Variants in CTNNA2 observed in about 807,000 individuals in gnomAD.
CTNNA2 encodes the protein catenin alpha 2, also known as catenin alpha-2.
A neutral mutation model predicts 101.0 loss-of-function variants in CTNNA2; 42 were observed. The observed-to-expected ratio is 0.42, with a 90% confidence interval of 0.32 to 0.54. The LOEUF (loss-of-function observed/expected upper bound fraction) is 0.54, where lower values mean the gene tolerates loss of function less well. Ranked by LOEUF, CTNNA2 falls within the 20% of genes least tolerant of loss-of-function variation. The probability of loss-of-function intolerance (pLI) is 0.14; values close to 1 mark genes in which losing one functional copy is unlikely to be tolerated. For missense variants in CTNNA2, 871 were observed against 1,223.1 expected (o/e 0.71, Z 4.29); for synonymous variants, 450 against 456.4 (o/e 0.99, Z 0.18).
At chr2:80,424,021 T>A (rs1366739032) in intron 9 of CTNNA2, among the ~76,000 whole-genome samples, 1 of 151,978 alleles carries the variant, frequency 6.6e-6, no homozygotes, top group Non-Finnish European at 1.5e-5. Context: ...AGTGGCGCAA[T>A]CTCTGCTCAC....
chr2:79,829,695 TATTTA>T (rs1351521014), intron 3 of CTNNA2, among the ~76,000 whole-genome samples: 7 of 6,182 alleles, frequency 1.1e-3, no homozygotes, highest in Non-Finnish European at 4.8e-3. Context: ...TTTTCTTTCT[TATTTA>T]TTTATTTATT....
chr2:79,615,062 T>C (rs981644932), intron 1 of CTNNA2, among the ~76,000 whole-genome samples: 1 of 152,188 alleles, frequency 6.6e-6, no homozygotes, highest in Non-Finnish European at 1.5e-5. Context: ...TTTCATTATA[T>C]TTGTTGATAC....
intron 15 of CTNNA2, among the ~76,000 whole-genome samples, chr2:80,600,032 T>G (rs1019535383): frequency 2.0e-5 from 3 of 151,596 alleles, no homozygotes; most frequent in Non-Finnish European, 4.4e-5. Flanking sequence ...CATTCTGTGT[T>G]TATATTTTAT....
intron 7 of CTNNA2, among the ~76,000 whole-genome samples, chr2:80,227,233 A>G (rs1319035076): frequency 6.6e-6 from 1 of 152,128 alleles, no homozygotes; most frequent in African/African-American, 2.4e-5. Flanking sequence ...CCAAGAAGGG[A>G]CACCACCTTA....
At chr2:79,811,350 G>C (rs992463438) in intron 3 of CTNNA2, among the ~76,000 whole-genome samples, 10 of 152,188 alleles carry the variant, frequency 6.6e-5, no homozygotes, top group Admixed American at 5.9e-4. Flanking sequence ...CTGTTGATAT[G>C]CTTCACCCAC....
intron 7 of CTNNA2, among the ~76,000 whole-genome samples, chr2:80,044,370 A>C (rs1428521474): frequency 1.0e-5 from 1 of 95,782 alleles, no homozygotes; most frequent in Non-Finnish European, 2.1e-5. Context: ...GAGGATGCAA[A>C]TGCCACATTT....
chr2:79,593,802 A>T (rs1337691229), intron 1 of CTNNA2, among the ~76,000 whole-genome samples: 2 of 151,430 alleles, frequency 1.3e-5, no homozygotes, highest in Non-Finnish European at 2.9e-5. Context: ...AAAAACGATC[A>T]TACAGTGATA....
At chr2:79,822,302 A>G (rs1678075673) in intron 3 of CTNNA2, among the ~76,000 whole-genome samples, 1 of 152,140 alleles carries the variant, frequency 6.6e-6, no homozygotes, top group Non-Finnish European at 1.5e-5. Context: ...TTTGTTTCTC[A>G]GAAAGTTACT....
intron 3 of CTNNA2, among the ~76,000 whole-genome samples, chr2:79,327,828 C>T (rs1177527312): frequency 6.6e-6 from 1 of 152,180 alleles, no homozygotes; most frequent in African/African-American, 2.4e-5. Context: ...CAAGCTGCCT[C>T]CCTGCCATTA....
chr2:80,559,878 T>TATCTATCTATCTATCTATCTATCTATC (rs1693393440), intron 12 of CTNNA2, among the ~76,000 whole-genome samples: 8 of 114,024 alleles, frequency 7.0e-5, no homozygotes, highest in African/African-American at 2.4e-4. Flanking sequence ...GATATCATAT[T>TATCTATCTATCTATCTATCTATCTATC]TATATATATA....
chr2:80,252,842 G>T (rs992253854), intron 7 of CTNNA2, among the ~76,000 whole-genome samples: 1 of 152,152 alleles, frequency 6.6e-6, no homozygotes, highest in Non-Finnish European at 1.5e-5. Context: ...TGCAGGAGGC[G>T]TAATGGGTAG....
intron 9 of CTNNA2, among the ~76,000 whole-genome samples, chr2:80,534,637 G>A (rs1690835029): frequency 6.6e-6 from 1 of 152,166 alleles, no homozygotes; most frequent in South Asian, 2.1e-4. Context: ...GTGGTTTATA[G>A]AACGAATAGT....
chr2:79,922,591 CTGTT>C (rs1275004009), intron 7 of CTNNA2, among the ~76,000 whole-genome samples: 5 of 150,158 alleles, frequency 3.3e-5, no homozygotes, highest in Admixed American at 2.0e-4. Context: ...TTTTCCTCAT[CTGTT>C]TATTTTCAAC....
chr2:80,332,960 A>C (rs1671466869), intron 7 of CTNNA2, among the ~76,000 whole-genome samples: 1 of 152,198 alleles, frequency 6.6e-6, no homozygotes, highest in African/African-American at 2.4e-5. Context: ...ATTTTGCGAC[A>C]TTTGAAAATT....
At chr2:79,548,780 T>A (rs1473946062) in intron 1 of CTNNA2, among the ~76,000 whole-genome samples, 3 of 152,144 alleles carry the variant, frequency 2.0e-5, no homozygotes, top group Admixed American at 6.5e-5. Context: ...AATGCAACAC[T>A]CTCTGTTGGG....
intron 7 of CTNNA2, among the ~76,000 whole-genome samples, chr2:79,931,125 A>C (rs2104421219): frequency 6.6e-6 from 1 of 152,344 alleles, no homozygotes; most frequent in African/African-American, 2.4e-5. Flanking sequence ...TCAATCCATT[A>C]AACTCTGCAA....
At chr2:80,093,386 T>C (rs1268798168) in intron 7 of CTNNA2, among the ~76,000 whole-genome samples, 3 of 152,234 alleles carry the variant, frequency 2.0e-5, no homozygotes, top group Non-Finnish European at 4.4e-5. Context: ...TGCCACATTT[T>C]GTTAATCCAG....
chr2:79,292,532 TTCTTTTAGAATTTCC>T (rs541109708), intron 2 of CTNNA2, among the ~76,000 whole-genome samples: 485 of 152,306 alleles, frequency 3.2e-3, no homozygotes, highest in African/African-American at 0.011. Flanking sequence ...AGATGAAGCT[TTCTTTTAGAATTTCC>T]ATTTAATTTT....
chr2:79,463,865 C>G (rs1670904373), intron 4 of CTNNA2, among the ~76,000 whole-genome samples: 1 of 152,024 alleles, frequency 6.6e-6, no homozygotes, highest in Admixed American at 6.6e-5. Context: ...CTCTTGCCCT[C>G]CAAATAACTT....
Sources: allele counts gnomAD v4.1 joint callset (sites outside exome capture counted in the v4.1 genomes callset), GRCh38; gene constraint gnomAD v4.1.1; transcripts MANE v1.5; gene names NCBI Gene and HGNC (gene_info 2026-07-23, HGNC 2026-07-21).